The following BIVM variants were observed in gnomAD, a reference collection of about 807,000 sequenced individuals.
BIVM encodes basic immunoglobulin-like variable motif-containing protein.
In BIVM, 31 loss-of-function variants were observed where a neutral mutation model predicts 61.4. The ratio of observed to expected loss-of-function variants is 0.51; its 90% CI spans 0.38 to 0.68. The LOEUF (loss-of-function observed/expected upper bound fraction) is 0.68. Among genes scored for constraint, BIVM ranks in the 30% least tolerant of loss-of-function variants. The pLI, the probability that BIVM is intolerant of heterozygous loss-of-function variation, is 0.00. For synonymous variants in BIVM, 189 were observed against 210.7 expected (o/e 0.90, Z 0.89); for missense variants, 526 against 596.0 (o/e 0.88, Z 1.22).
In BIVM at chr13:102,799,281, C is replaced by A; in HGVS notation, c.-447C>A. 1 of 235,610 alleles carries A rather than the reference C, an allele frequency of 4.2e-6. No individual in the cohort carries two copies. Among genetic ancestry groups the A allele is most frequent in the Non-Finnish European group, 8.1e-6 (1 of 123,154 alleles). 14.6% of individuals were successfully genotyped at this position (235,610 alleles called of 1,614,324 possible). A position where few individuals can be genotyped will look rare whatever the true frequency, so the allele number is the denominator to read the frequency against. ...CAGCTCAGGTTTTTGCGTTGGTCAC[C>A]CTGCCCTCCGCACGTGGAGAGGGCA... On this transcript the variant is annotated 5_prime_UTR_variant, in exon 1 of 11. Coordinates refer to ENST00000257336, the MANE Select transcript of BIVM (RefSeq NM_017693.4).
chr13:102,809,951 A>T (rs1243440184), intron 3 of BIVM, among the ~76,000 whole-genome samples: 1 of 151,806 alleles, frequency 6.6e-6, no homozygotes, highest in East Asian at 1.9e-4. Context: ...GTGCCCGGCT[A>T]CTTTTTTGTA....
At chr13:102,800,757 C>A (rs1445404506) in intron 1 of BIVM, 2 of 152,256 alleles carry the variant, frequency 1.3e-5, no homozygotes, top group African/African-American at 2.4e-5. Flanking sequence ...AGGAAGGGGC[C>A]TGGAGGGCGC....
chr13:102,821,914 G>A, intron 6 of BIVM, 67 bp downstream of exon 6: 10 of 1,561,364 alleles, frequency 6.4e-6, no homozygotes, highest in Non-Finnish European at 8.8e-6. Context: ...ATGTAGATGT[G>A]TGTTGATAGT....
At chr13:102,819,823 A>G (rs1392526022) in intron 4 of BIVM, among the ~76,000 whole-genome samples, 3 of 152,204 alleles carry the variant, frequency 2.0e-5, no homozygotes, top group Non-Finnish European at 4.4e-5. Flanking sequence ...GTATATATAC[A>G]TATACAAATG....
intron 8 of BIVM, 142 bp downstream of exon 8, chr13:102,831,839 C>T (rs928876257): frequency 4.9e-5 from 33 of 667,624 alleles, no homozygotes; most frequent in Middle Eastern, 5.0e-4. Context: ...ACCATCCTGG[C>T]TAACACGGTG....
At position 102,821,803 on chromosome 13, in the gene BIVM, A is replaced by G. The variant is rs1174482956; in HGVS notation, c.762A>G (p.Glu254=). 6.2e-7 allele frequency: 1 copy of G among 1,613,990 alleles called. No individual in the cohort carries two copies. The highest frequency in any genetic ancestry group is 8.5e-7 in the Non-Finnish European group (1 of 1,180,008). Residue 254 remains glutamate, a synonymous_variant, in exon 6 of 11, where the codon GAA becomes GAG. Transcript: ENST00000257336. ...LHILGFQPPF[E]DIRFGPFTGN... ...TTCTGGGCTTTCAACCTCCATTTGAAGATATTAGGTTTGGTCCTTTCACGG... is the reference window on the plus strand; with the variant it reads ...TTCTGGGCTTTCAACCTCCATTTGAGGATATTAGGTTTGGTCCTTTCACGG...
intron 7 of BIVM, among the ~76,000 whole-genome samples, chr13:102,823,965 G>C (rs564900901): frequency 6.6e-6 from 1 of 152,004 alleles, no homozygotes; most frequent in Non-Finnish European, 1.5e-5. Flanking sequence ...AGGTGTCTTC[G>C]TGTGCCATGA....
chr13:102,829,260 A>G (rs971232838), intron 7 of BIVM, among the ~76,000 whole-genome samples: 4 of 152,200 alleles, frequency 2.6e-5, no homozygotes, highest in African/African-American at 7.2e-5. Flanking sequence ...AGTAAGAAAC[A>G]TAATCTCAAA....
At position 102,821,718 on chromosome 13, in the gene BIVM, A is replaced by C. The variant is rs773854671; in HGVS notation, c.702-25A>C. On this transcript the variant is annotated intron_variant, in intron 5 of 10. Transcript: ENST00000257336. ...GCGTATGACTGGAATTGAAAAATGA[A>C]AGGCAATGAATGTTTCTTTTGTAGC... 3.1e-6 allele frequency: 5 copies of C among 1,604,664 alleles called. No homozygotes were observed. The South Asian group carries it at 5.6e-5, about 18-fold the overall frequency.
chr13:102,812,797 T>C (rs1215348245), intron 3 of BIVM, among the ~76,000 whole-genome samples: 1 of 152,184 alleles, frequency 6.6e-6, no homozygotes, highest in Admixed American at 6.5e-5. Flanking sequence ...TCTGTTGTAG[T>C]GGGAGGGGCT....
intron 7 of BIVM, 39 bp from the exon 8 acceptor site, chr13:102,831,526 T>C (rs780799261): frequency 1.2e-6 from 2 of 1,613,166 alleles, no homozygotes; most frequent in Non-Finnish European, 1.7e-6. Flanking sequence ...GACACTGCTT[T>C]ATGGGCTTTC....
In BIVM at chr13:102,841,475, C is replaced by G. The variant is rs4743; in HGVS notation, c.*1610C>G. 0.37 allele frequency: 56,559 copies of G among 152,404 alleles called. 11,676 individuals carry two copies. Among genetic ancestry groups the G allele is most frequent in the Non-Finnish European group, 0.48 (32,422 of 67,972 alleles). The allele number at this position is 152,404 out of a possible 1,614,324, so 9.4% of individuals were successfully genotyped here. A position where few individuals can be genotyped will look rare whatever the true frequency, so the allele number is the denominator to read the frequency against. On this transcript the variant is annotated 3_prime_UTR_variant, in exon 11 of 11. Transcript: ENST00000257336. ...GATTTGTAGGTTGTTGATTTTGTTA[C>G]TTCATACTGGAACTTTTAAAAAGAT...
chr13:102,829,509 A>C (rs1293487331), intron 7 of BIVM, among the ~76,000 whole-genome samples: 1 of 152,086 alleles, frequency 6.6e-6, no homozygotes, highest in East Asian at 1.9e-4. Context: ...CATACACAGA[A>C]TTACTTTCTT....
Position 102,807,208 on chromosome 13 carries a change from T to C in BIVM, c.-60T>C. ...TGTAAACAATTGTCAAAGTTGTTTA[T>C]CAAGAAACAGATAGAGTTGCAACTT... is the stretch of plus-strand genomic sequence containing the variant. On this transcript the variant is annotated 5_prime_UTR_variant, in exon 3 of 11. Transcript: ENST00000257336. This position sits in a 1 kb window ranked among gnomAD's most constrained non-coding sequence, Gnocchi z 4.0. The C allele has an allele frequency of 6.7e-7, 1 of 1,502,050 alleles. No homozygotes were observed. The highest frequency in any genetic ancestry group is 1.3e-5 in the South Asian group (1 of 75,372). 93.0% of individuals were successfully genotyped at this position (1,502,050 alleles called of 1,614,324 possible).
intron 3 of BIVM, among the ~76,000 whole-genome samples, chr13:102,814,817 G>A (rs1018359926): frequency 2.0e-4 from 31 of 152,160 alleles, no homozygotes; most frequent in African/African-American, 7.2e-4. Context: ...GCTGAGGCAG[G>A]TGGATTGCTT....
At chr13:102,826,692 A>C (rs1211545301) in intron 7 of BIVM, among the ~76,000 whole-genome samples, 1 of 152,204 alleles carries the variant, frequency 6.6e-6, no homozygotes, top group Middle Eastern at 3.2e-3. Flanking sequence ...ACACCAGAAC[A>C]AGTCTCATAA....
chr13:102,804,238 T>C (rs1019092255), intron 1 of BIVM, among the ~76,000 whole-genome samples: 32 of 150,976 alleles, frequency 2.1e-4, no homozygotes, highest in Non-Finnish European at 3.5e-4. Context: ...ACCTCCACCT[T>C]CGAGCCTCAA....
chr13:102,820,962 G>A, intron 4 of BIVM, 75 bp from the exon 5 acceptor site: 4 of 1,390,256 alleles, frequency 2.9e-6, no homozygotes, highest in Admixed American at 4.0e-5. Flanking sequence ...ACCTTTAATT[G>A]CCATGAGTTT....
At position 102,807,189 on chromosome 13, in the gene BIVM, C is replaced by G; in HGVS notation, c.-79C>G. 6.9e-7 allele frequency: 1 copy of G among 1,447,832 alleles called. No homozygotes were observed. The highest frequency in any genetic ancestry group is 2.3e-5 in the East Asian group (1 of 43,632). The allele number at this position is 1,447,832 out of a possible 1,614,324, so 89.7% of individuals were successfully genotyped here. A position where few individuals can be genotyped will look rare whatever the true frequency, so the allele number is the denominator to read the frequency against. On this transcript the variant is annotated 5_prime_UTR_variant, in exon 3 of 11. Coordinates refer to ENST00000257336, the MANE Select transcript of BIVM (RefSeq NM_017693.4). The surrounding 1 kb of genome is among the most constrained non-coding windows in gnomAD (Gnocchi z 4.0). ...TCAAGCTTTTATAGCATGCTGTAAA[C>G]AATTGTCAAAGTTGTTTATCAAGAA...
Sources: gnomAD v4.1 joint callset for allele counts (sites outside exome capture counted in the v4.1 genomes callset) on GRCh38, gnomAD v4.1.1 for gene constraint, Gnocchi (gnomAD v3.1) non-coding constraint, MANE v1.5 for transcripts, NCBI Gene and HGNC (gene_info 2026-07-23, HGNC 2026-07-21) for gene names.